MYRIP: variants seen among roughly 807,000 people sequenced by gnomAD.
The protein encoded by MYRIP is myosin VIIA and Rab interacting protein.
Under a neutral mutation model 98.0 loss-of-function variants are expected in MYRIP, and 49 were observed. The observed-to-expected ratio is 0.50, with a 90% CI of 0.40 to 0.63. The LOEUF (loss-of-function observed/expected upper bound fraction) is 0.63. Ranked by LOEUF, MYRIP falls within the 30% of genes least tolerant of loss-of-function variation. The pLI is 0.00. For missense variants in MYRIP, 1,004 were observed against 1,058.2 expected (o/e 0.95, Z 0.71); for synonymous variants, 404 against 409.5 (o/e 0.99, Z 0.16).
intron 3 of MYRIP, among the ~76,000 whole-genome samples, chr3:40,057,139 C>T (rs1947901684): frequency 6.6e-6 from 1 of 152,136 alleles, no homozygotes; most frequent in African/African-American, 2.4e-5. Context: ...ACCTTCCACA[C>T]CTTCTCTTCT....
At chr3:40,217,023 T>G (rs932322064) in intron 11 of MYRIP, among the ~76,000 whole-genome samples, 3 of 152,186 alleles carry the variant, frequency 2.0e-5, no homozygotes. Context: ...CTAGCAAATA[T>G]GTATTGTTGT....
At chr3:39,886,916 C>A (rs994348007) in intron 1 of MYRIP, among the ~76,000 whole-genome samples, 5 of 152,026 alleles carry the variant, frequency 3.3e-5, no homozygotes, top group African/African-American at 7.2e-5. Context: ...ACACCTATTC[C>A]AAAATTGACC....
chr3:40,063,977 TGTACAGCAGGTGA>T (rs1948076312), intron 3 of MYRIP, among the ~76,000 whole-genome samples: 1 of 151,182 alleles, frequency 6.6e-6, no homozygotes, highest in South Asian at 2.1e-4. Context: ...ATGAGAAGAG[TGTACAGCAGGTGA>T]GAACAGGAGG....
intron 2 of MYRIP, among the ~76,000 whole-genome samples, chr3:40,039,074 C>T (rs995246600): frequency 6.6e-6 from 1 of 152,066 alleles, no homozygotes; most frequent in Non-Finnish European, 1.5e-5. Context: ...TTCTGTTCGG[C>T]CTGGAGCTGG....
chr3:39,873,245 G>A (rs986862251), intron 1 of MYRIP, among the ~76,000 whole-genome samples: 6 of 152,032 alleles, frequency 3.9e-5, no homozygotes, highest in African/African-American at 1.4e-4. Flanking sequence ...TTAGCCCTTT[G>A]TCAGATGAGT....
intron 2 of MYRIP, among the ~76,000 whole-genome samples, chr3:39,935,188 C>T (rs939822291): frequency 1.6e-4 from 25 of 152,122 alleles, no homozygotes; most frequent in Non-Finnish European, 8.8e-5. Flanking sequence ...ACATGTGCTT[C>T]TACAGGGTTC....
intron 13 of MYRIP, 31 bp downstream of exon 13, chr3:40,244,638 C>A: frequency 2.5e-6 from 4 of 1,571,210 alleles, no homozygotes; most frequent in South Asian, 1.2e-5. Flanking sequence ...CCACATGGGT[C>A]CTGCAGGGTG....
chr3:40,231,448 G>A (rs889983067), intron 11 of MYRIP, among the ~76,000 whole-genome samples: 2 of 152,224 alleles, frequency 1.3e-5, no homozygotes, highest in African/African-American at 4.8e-5. Flanking sequence ...CGTGGGGAAT[G>A]TAGAGAACTG....
At chr3:40,055,709 T>G (rs915144071) in intron 3 of MYRIP, among the ~76,000 whole-genome samples, 3 of 152,162 alleles carry the variant, frequency 2.0e-5, no homozygotes, top group African/African-American at 7.2e-5. Context: ...CTTTACTGTT[T>G]TCATATGTTT....
At chr3:40,034,412 G>A (rs1448141129) in intron 2 of MYRIP, among the ~76,000 whole-genome samples, 6 of 152,076 alleles carry the variant, frequency 3.9e-5, no homozygotes, top group Admixed American at 3.9e-4. Context: ...AGTGGGCGAA[G>A]GATATGAACA....
At chr3:40,254,990 C>T (rs564061658) in intron 16 of MYRIP, among the ~76,000 whole-genome samples, 10 of 152,146 alleles carry the variant, frequency 6.6e-5, no homozygotes, top group Non-Finnish European at 1.2e-4. Flanking sequence ...AGAAGCACCA[C>T]GTAATGGCAT....
At chr3:40,113,527 T>A (rs1022394127) in intron 3 of MYRIP, among the ~76,000 whole-genome samples, 1 of 152,218 alleles carries the variant, frequency 6.6e-6, no homozygotes, top group African/African-American at 2.4e-5. Context: ...ATGGGATAGT[T>A]ATTTAATAAA....
intron 1 of MYRIP, among the ~76,000 whole-genome samples, chr3:39,826,725 A>C (rs1329571027): frequency 6.6e-6 from 1 of 152,132 alleles, no homozygotes; most frequent in African/African-American, 2.4e-5. Flanking sequence ...TCTAATGCTG[A>C]GAGTGGGGAG....
chr3:40,202,906 CTTATTTATTTAT>C (rs35758632), intron 10 of MYRIP, among the ~76,000 whole-genome samples: 91 of 142,512 alleles, frequency 6.4e-4, no homozygotes, highest in South Asian at 2.1e-3. Flanking sequence ...CCTCCATTTA[CTTATTTATTTAT>C]TTATTTATTT....
intron 2 of MYRIP, among the ~76,000 whole-genome samples, chr3:39,930,887 C>T (rs561858815): frequency 3.6e-4 from 54 of 152,002 alleles, no homozygotes; most frequent in Non-Finnish European, 7.4e-4. Flanking sequence ...CTATGTTTAT[C>T]CTAAGGCAGT....
At chr3:40,103,269 C>A (rs184527382) in intron 3 of MYRIP, among the ~76,000 whole-genome samples, 2 of 152,276 alleles carry the variant, frequency 1.3e-5, no homozygotes, top group African/African-American at 4.8e-5. Flanking sequence ...GCACACCAAG[C>A]CTTTTAAGAT....
chr3:40,048,369 G>T (rs546280142), intron 3 of MYRIP, among the ~76,000 whole-genome samples: 4 of 152,156 alleles, frequency 2.6e-5, no homozygotes, highest in African/African-American at 9.6e-5. Flanking sequence ...ATATGTTTTT[G>T]AGATACTGTG....
chr3:40,085,860 C>A (rs932905767), intron 3 of MYRIP, among the ~76,000 whole-genome samples: 1 of 152,116 alleles, frequency 6.6e-6, no homozygotes, highest in African/African-American at 2.4e-5. Context: ...AAAATTATAA[C>A]CCCATCTGAC....
At chr3:40,148,939 C>T (rs981252833) in intron 3 of MYRIP, among the ~76,000 whole-genome samples, 1 of 152,144 alleles carries the variant, frequency 6.6e-6, no homozygotes, top group African/African-American at 2.4e-5. Flanking sequence ...GAGGTGCTTA[C>T]TGAGAGCTCC....
Sources: gnomAD v4.1 joint callset for allele counts (sites outside exome capture counted in the v4.1 genomes callset) on GRCh38, gnomAD v4.1.1 for gene constraint, MANE v1.5 for transcripts, NCBI Gene and HGNC (gene_info 2026-07-23, HGNC 2026-07-21) for gene names.